The following ZRANB3 variants were observed in gnomAD, a reference collection of about 807,000 sequenced individuals.
ZRANB3 encodes the protein DNA annealing helicase and endonuclease ZRANB3.
Under a neutral mutation model 133.8 loss-of-function variants are expected in ZRANB3, and 125 were observed. The ratio of observed to expected loss-of-function variants is 0.93; its 90% confidence interval spans 0.81 to 1.08. The LOEUF (loss-of-function observed/expected upper bound fraction) is 1.08, where lower values mean the gene tolerates loss of function less well. Among genes scored for constraint, ZRANB3 ranks in the 50% least tolerant of loss-of-function variants. ZRANB3 has a pLI of 0.00. For missense variants in ZRANB3, 1,229 were observed against 1,275.5 expected (o/e 0.96, Z 0.56); for synonymous variants, 387 against 432.7 (o/e 0.89, Z 1.31).
rs557227439 is a variant in ZRANB3, at chr2:135,469,287, T to C, written c.161+35042A>G. Among the ~76,000 whole-genome samples the C allele has an allele frequency of 5.3e-5, 8 of 152,046 alleles. No homozygotes were observed. The East Asian group carries it at 1.5e-3, about 29-fold the overall frequency. On this transcript the variant is annotated intron_variant, in intron 2 of 20. Coordinates refer to ENST00000264159, the MANE Select transcript of ZRANB3 (RefSeq NM_032143.4). ...CACACACATATATGTGATAAACATA[T>C]ACATCCTAGAAATTTGGATTTACTT...
At chr2:135,353,835 T>C (rs1031585148) in intron 3 of ZRANB3, among the ~76,000 whole-genome samples, 28 of 152,042 alleles carry the variant, frequency 1.8e-4, no homozygotes, top group Admixed American at 6.6e-5. Context: ...ACCCTGTCTC[T>C]ATAAAAAAAC....
At chr2:135,226,210 T>G (rs1694756391) in intron 14 of ZRANB3, among the ~76,000 whole-genome samples, 1 of 152,240 alleles carries the variant, frequency 6.6e-6, no homozygotes, top group Non-Finnish European at 1.5e-5. Flanking sequence ...AACATATTTC[T>G]CTTTTCAGTG....
chr2:135,529,984 T>C (rs1236095227), intron 1 of ZRANB3, among the ~76,000 whole-genome samples: 1 of 151,324 alleles, frequency 6.6e-6, no homozygotes, highest in Non-Finnish European at 1.5e-5. Context: ...TCCCAGCACT[T>C]TGGGAGGCCA....
chr2:135,456,959 T>C (rs1000140100), intron 2 of ZRANB3, among the ~76,000 whole-genome samples: 14 of 152,230 alleles, frequency 9.2e-5, no homozygotes, highest in Admixed American at 2.6e-4. Context: ...GAAATATAAT[T>C]CACTTGCCCT....
chr2:135,503,990 T>C (rs1447382236), intron 2 of ZRANB3, among the ~76,000 whole-genome samples: 15 of 151,712 alleles, frequency 9.9e-5, no homozygotes, highest in Non-Finnish European at 1.5e-5. Context: ...CTTCTGGTAA[T>C]AGACAAAAAA....
intron 8 of ZRANB3, among the ~76,000 whole-genome samples, chr2:135,288,874 G>A (rs1476248980): frequency 3.1e-5 from 2 of 64,166 alleles, no homozygotes; most frequent in South Asian, 6.3e-4. Context: ...TTCATTTATC[G>A]TGTGTGTGTG....
intron 9 of ZRANB3, 112 bp downstream of exon 9, chr2:135,275,524 T>C (rs1573810456): frequency 1.3e-6 from 1 of 774,576 alleles, no homozygotes; most frequent in Non-Finnish European, 1.8e-6. Flanking sequence ...ATAATTTATA[T>C]ACCATCATCT....
At chr2:135,397,037 G>A (rs972284244) in intron 2 of ZRANB3, among the ~76,000 whole-genome samples, 1 of 152,088 alleles carries the variant, frequency 6.6e-6, no homozygotes, top group African/African-American at 2.4e-5. Context: ...TGAGGCAGGA[G>A]GATCCCTTGA....
intron 15 of ZRANB3, among the ~76,000 whole-genome samples, chr2:135,221,202 T>C (rs1694541065): frequency 6.6e-6 from 1 of 152,184 alleles, no homozygotes; most frequent in African/African-American, 2.4e-5. Context: ...TCATCTCAGC[T>C]CTACTCTGGT....
At chr2:135,403,961 T>G (rs1171709699) in intron 2 of ZRANB3, among the ~76,000 whole-genome samples, 5 of 152,018 alleles carry the variant, frequency 3.3e-5, no homozygotes, top group Non-Finnish European at 5.9e-5. Flanking sequence ...TACGTCACCA[T>G]CATCAAAGAC....
chr2:135,406,524 A>G (rs2104947446), intron 2 of ZRANB3, among the ~76,000 whole-genome samples: 2 of 152,320 alleles, frequency 1.3e-5, no homozygotes, highest in South Asian at 4.1e-4. Context: ...ACAAAAAAAG[A>G]GAATTTTAGA....
At chr2:135,333,314 T>C (rs536498751) in intron 6 of ZRANB3, among the ~76,000 whole-genome samples, 57 of 152,100 alleles carry the variant, frequency 3.7e-4, no homozygotes, top group African/African-American at 1.3e-3. Context: ...AATGATACAA[T>C]GACATGCAAC....
intron 12 of ZRANB3, among the ~76,000 whole-genome samples, chr2:135,236,247 C>A (rs1437482479): frequency 6.6e-6 from 1 of 152,076 alleles, no homozygotes; most frequent in Non-Finnish European, 1.5e-5. Flanking sequence ...TGAAGGACCT[C>A]TTCAAGGAGA....
rs181564882 is a variant in ZRANB3 at position 135,455,653 on chromosome 2, G to A, written c.161+48676C>T. 3.5e-3 allele frequency among the ~76,000 whole-genome samples: 503 copies of A among 144,420 alleles called. 2 individuals are homozygous for A. The highest frequency in any genetic ancestry group is 0.012 in the African/African-American group (467 of 38,750). 94.7% of individuals were successfully genotyped at this position (144,420 alleles called of 152,430 possible). On this transcript the variant is annotated intron_variant, in intron 2 of 20. Transcript: ENST00000264159. ...GTCCCCTAGGCCGGAGTGCAGTGGC[G>A]CGATCTCGGCTCACTGCAAGTTCCG...
chr2:135,204,208 C>T lies in ZRANB3; in HGVS notation c.3010-1245G>A, dbSNP rs562034399. 2.0e-5 allele frequency among the ~76,000 whole-genome samples: 3 copies of T among 152,300 alleles called. No individual in the cohort carries two copies. In the East Asian group the frequency reaches 5.8e-4, roughly 29 times the overall value. On this transcript the variant is annotated intron_variant, in intron 19 of 20. Coordinates refer to ENST00000264159, the MANE Select transcript of ZRANB3 (RefSeq NM_032143.4). ...TTTGTTACTGCCTGCCTTACCTTCT[C>T]TTCTGTGCTGAACTTCCCAACTTCT... is the stretch of plus-strand genomic sequence containing the variant.
chr2:135,342,616 T>C (rs1015213585), intron 6 of ZRANB3, among the ~76,000 whole-genome samples: 1 of 148,284 alleles, frequency 6.7e-6, no homozygotes, highest in African/African-American at 2.6e-5. Context: ...GTCTTTTTTC[T>C]TTTTTTTTAA....
chr2:135,481,887 G>GTTTTT (rs1439228423), intron 2 of ZRANB3, among the ~76,000 whole-genome samples: 1 of 147,244 alleles, frequency 6.8e-6, no homozygotes, highest in African/African-American at 2.6e-5. Flanking sequence ...TTTCCCCATT[G>GTTTTT]CTTGTTTTTC....
chr2:135,441,390 A>C (rs568914853), intron 2 of ZRANB3, among the ~76,000 whole-genome samples: 1 of 152,282 alleles, frequency 6.6e-6, no homozygotes, highest in East Asian at 1.9e-4. Flanking sequence ...ACTGCCCTTC[A>C]AAACTGAAGG....
At chr2:135,282,662 G>A (rs1232885546) in intron 8 of ZRANB3, among the ~76,000 whole-genome samples, 1 of 152,106 alleles carries the variant, frequency 6.6e-6, no homozygotes, top group Non-Finnish European at 1.5e-5. Flanking sequence ...GACACTGATG[G>A]AGTTCCACAA....
Sources: allele counts gnomAD v4.1 joint callset (sites outside exome capture counted in the v4.1 genomes callset), GRCh38; gene constraint gnomAD v4.1.1; transcripts MANE v1.5; gene names NCBI Gene and HGNC (gene_info 2026-07-23, HGNC 2026-07-21).